The following OLFM3 variants were observed in gnomAD, a reference collection of about 807,000 sequenced individuals.
OLFM3 encodes the protein olfactomedin 3, also known as noelin-3.
In OLFM3, 20 loss-of-function variants were observed where a neutral mutation model predicts 48.6. The observed-to-expected ratio is 0.41, with a 90% CI of 0.29 to 0.60. OLFM3 has a LOEUF of 0.60. OLFM3 is among the 20% of genes least tolerant of loss of function. The pLI, the probability that OLFM3 is intolerant of heterozygous loss-of-function variation, is 0.28. For synonymous variants in OLFM3, 222 were observed against 198.1 expected (o/e 1.12, Z -1.01); for missense variants, 437 against 544.3 (o/e 0.80, Z 1.96).
intron 1 of OLFM3, among the ~76,000 whole-genome samples, chr1:101,891,686 A>G (rs1362751118): frequency 6.6e-6 from 1 of 151,936 alleles, no homozygotes; most frequent in Non-Finnish European, 1.5e-5. Context: ...TTTTTTGTAG[A>G]CAAGCATGGT....
intron 1 of OLFM3, among the ~76,000 whole-genome samples, chr1:101,947,206 T>C (rs953907980): frequency 6.6e-6 from 1 of 152,218 alleles, no homozygotes; most frequent in African/African-American, 2.4e-5. Flanking sequence ...TTCATTTTAA[T>C]ACCACACAAT....
chr1:101,919,395 G>A (rs749803778), intron 1 of OLFM3, among the ~76,000 whole-genome samples: 25 of 151,978 alleles, frequency 1.6e-4, no homozygotes, highest in Non-Finnish European at 3.7e-4. Flanking sequence ...ATACGGAAAC[G>A]TAATTTTAGT....
intron 4 of OLFM3, chr1:101,813,147 C>T (rs1473774572): frequency 2.4e-6 from 3 of 1,257,314 alleles, no homozygotes; most frequent in East Asian, 5.5e-5. Flanking sequence ...TTTAAATCAA[C>T]TGGAAAGGAA....
chr1:101,900,258 C>A (rs181058823), intron 1 of OLFM3, among the ~76,000 whole-genome samples: 43 of 152,148 alleles, frequency 2.8e-4, no homozygotes, highest in African/African-American at 1.0e-3. Flanking sequence ...GAAAAATATT[C>A]TGAAATTTTT....
At position 101,883,504 on chromosome 1, in the gene OLFM3, ATTTC is replaced by A. The variant is rs1657619970; in HGVS notation, c.70-46483_70-46480del. ...GTAGGAGGAGTACCTCCTATTGTAT[ATTTC>A]AGAATCCGTTCCTTCCTTACCAATG... On this transcript the variant is annotated intron_variant, in intron 1 of 5. Coordinates refer to ENST00000370103, the MANE Select transcript of OLFM3 (RefSeq NM_058170.4). 2.6e-5 allele frequency among the ~76,000 whole-genome samples: 4 copies of A among 151,908 alleles called. No individual in the cohort carries two copies. The South Asian group carries it at 8.3e-4, about 31-fold the overall frequency.
Position 101,804,914 on chromosome 1 carries a change from A to G in OLFM3, c.701T>C (p.Val234Ala). 6.3e-7 allele frequency: 1 copy of G among 1,598,748 alleles called. No homozygotes were observed. The highest frequency in any genetic ancestry group is 1.1e-5 in the South Asian group (1 of 89,310). The change falls in exon 6 of 6, where the codon GTC (valine) becomes GCC (alanine). Residue 234 changes from valine to alanine, a missense_variant and splice_region_variant. Val to Ala is a moderately conservative substitution (Grantham distance 64). Coordinates refer to ENST00000370103, the MANE Select transcript of OLFM3 (RefSeq NM_058170.4). The surrounding 1 kb of genome is among the most constrained non-coding windows in gnomAD (Gnocchi z 4.5). ...GTTAGTATAACTGTCCATGTACCAG[A>G]CCTGAGAAGAAGGAAAAAAATAAAT... ...DPLASEKNNR[V>A]WYMDSYTNNK... is the part of the protein sequence containing the mutation.
intron 1 of OLFM3, among the ~76,000 whole-genome samples, chr1:101,862,589 TC>T (rs1656699785): frequency 6.6e-6 from 1 of 152,184 alleles, no homozygotes; most frequent in South Asian, 2.1e-4. Context: ...AGGAATTCAT[TC>T]TTATGACCTT....
chr1:101,919,013 A>G (rs1659010853), intron 1 of OLFM3, among the ~76,000 whole-genome samples: 1 of 152,190 alleles, frequency 6.6e-6, no homozygotes, highest in African/African-American at 2.4e-5. Flanking sequence ...CTTAGTGAAT[A>G]AATTTACATT....
At chr1:101,843,917 T>C (rs1317277257) in intron 1 of OLFM3, among the ~76,000 whole-genome samples, 1 of 151,086 alleles carries the variant, frequency 6.6e-6, no homozygotes, top group Non-Finnish European at 1.5e-5. Flanking sequence ...TTTCAAGACC[T>C]GCGTGTGCGT....
At chr1:101,967,981 C>G (rs1474895021) in intron 1 of OLFM3, among the ~76,000 whole-genome samples, 1 of 152,138 alleles carries the variant, frequency 6.6e-6, no homozygotes, top group Non-Finnish European at 1.5e-5. Context: ...GAAGAAAACC[C>G]TTAACTTCTC....
chr1:101,953,925 T>C (rs1660217512), intron 1 of OLFM3, among the ~76,000 whole-genome samples: 1 of 151,708 alleles, frequency 6.6e-6, no homozygotes, highest in Non-Finnish European at 1.5e-5. Flanking sequence ...TGAGGGAGAG[T>C]CTTTAATGGA....
At chr1:101,920,443 C>T (rs973202704) in intron 1 of OLFM3, among the ~76,000 whole-genome samples, 6 of 152,270 alleles carry the variant, frequency 3.9e-5, no homozygotes, top group Non-Finnish European at 8.8e-5. Flanking sequence ...TAGATGCTGG[C>T]ACAGTGAAGG....
At chr1:101,979,438 C>G (rs998061927) in intron 1 of OLFM3, among the ~76,000 whole-genome samples, 1 of 152,108 alleles carries the variant, frequency 6.6e-6, no homozygotes, top group African/African-American at 2.4e-5. Context: ...CCATGCTGTT[C>G]TCGTGATAGT....
Position 101,936,576 on chromosome 1 carries a change from C to A in OLFM3, c.69+60172G>T, listed in dbSNP as rs138472702. 3.0e-4 allele frequency among the ~76,000 whole-genome samples: 45 copies of A among 152,202 alleles called. 1 individual carries two copies. The East Asian group carries it at 7.5e-3, about 25-fold the overall frequency. ...AATGCTATTCTTATCAAGGTACCAACAACATTCTTCACAGAATTAGAAAAA... is the reference window on the plus strand; with the variant it reads ...AATGCTATTCTTATCAAGGTACCAAAAACATTCTTCACAGAATTAGAAAAA... On this transcript the variant is annotated intron_variant, in intron 1 of 5. Coordinates refer to ENST00000370103, the MANE Select transcript of OLFM3 (RefSeq NM_058170.4).
At chr1:101,821,361 C>A (rs1557687692) in intron 4 of OLFM3, among the ~76,000 whole-genome samples, 1 of 151,982 alleles carries the variant, frequency 6.6e-6, no homozygotes, top group Admixed American at 6.6e-5. Flanking sequence ...AATATAACAA[C>A]ATATATAATA....
intron 1 of OLFM3, among the ~76,000 whole-genome samples, chr1:101,993,447 G>T (rs1661471168): frequency 6.6e-6 from 1 of 151,958 alleles, no homozygotes; most frequent in Admixed American, 6.6e-5. Flanking sequence ...CTATAAAATT[G>T]AGCAATAATT....
intron 1 of OLFM3, among the ~76,000 whole-genome samples, chr1:101,929,475 C>G (rs894613879): frequency 6.6e-6 from 1 of 152,118 alleles, no homozygotes; most frequent in East Asian, 1.9e-4. Context: ...TTCCTTTCTC[C>G]CCACTCTGGC....
chr1:101,903,091 T>C (rs767523521), intron 1 of OLFM3, among the ~76,000 whole-genome samples: 12 of 152,040 alleles, frequency 7.9e-5, no homozygotes, highest in Admixed American at 4.6e-4. Flanking sequence ...ACAAAGATAG[T>C]AGATAATTTC....
At position 101,938,529 on chromosome 1, in the gene OLFM3, G is replaced by C. The variant is rs561288874; in HGVS notation, c.69+58219C>G. ...GTTATTTACCTGGCCACCAGATGGT[G>C]ACATAATTATTGCTATTCCCACCAA... On this transcript the variant is annotated intron_variant, in intron 1 of 5. Transcript: ENST00000370103. 2.0e-5 allele frequency among the ~76,000 whole-genome samples: 3 copies of C among 152,298 alleles called. No individual in the cohort carries two copies. In the East Asian group the frequency reaches 5.8e-4, roughly 29 times the overall value.
Sources: allele counts gnomAD v4.1 joint callset (sites outside exome capture counted in the v4.1 genomes callset), GRCh38; gene constraint gnomAD v4.1.1; non-coding constraint Gnocchi (gnomAD v3.1); transcripts MANE v1.5; gene names NCBI Gene and HGNC (gene_info 2026-07-23, HGNC 2026-07-21).